BICRA: variants seen among roughly 807,000 people sequenced by gnomAD.
BICRA encodes the protein BRD4-interacting chromatin-remodeling complex-associated protein.
BICRA carries 31 observed loss-of-function variants against 96.9 expected under a neutral mutation model. The ratio of observed to expected loss-of-function variants is 0.32; its 90% CI spans 0.24 to 0.43. BICRA has a LOEUF of 0.43. BICRA is among the 20% of genes least tolerant of loss of function. BICRA has a pLI of 1.00. For synonymous variants in BICRA, 1,350 were observed against 1,071.8 expected, an observed-to-expected ratio of 1.26 and a Z score of -5.07; for missense variants, 2,283 against 2,190.3, an observed-to-expected ratio of 1.04 and a Z score of -0.84.
chr19:47,640,149 C>G (rs1011787284), intron 1 of BICRA, among the ~76,000 whole-genome samples: 1 of 152,140 alleles, frequency 6.6e-6, no homozygotes, highest in Admixed American at 6.6e-5. Flanking sequence ...ACATTTATCC[C>G]TTTGTTAACT....
chr19:47,688,069 G>A (rs577695847), intron 7 of BICRA, among the ~76,000 whole-genome samples: 12 of 152,012 alleles, frequency 7.9e-5, no homozygotes, highest in Middle Eastern at 3.4e-3. Flanking sequence ...CACCCCCTGT[G>A]CTTTTCTCTA....
intron 1 of BICRA, chr19:47,663,259 G>T (rs146613582): frequency 6.6e-6 from 1 of 152,216 alleles, no homozygotes; most frequent in Non-Finnish European, 1.5e-5. Context: ...GTGGTGGCAC[G>T]TGCCTCTAAT....
At chr19:47,631,565 A>G (rs939058642) in intron 1 of BICRA, among the ~76,000 whole-genome samples, 21 of 152,030 alleles carry the variant, frequency 1.4e-4, no homozygotes, top group African/African-American at 4.3e-4. Flanking sequence ...GGAACTCACT[A>G]TGTTGCCCAG....
rs1400400800 is a variant in BICRA at position 47,699,069 on chromosome 19, G to C, written c.3492+10G>C. 6.5e-7 allele frequency: 1 copy of C among 1,532,204 alleles called. No individual in the cohort carries two copies. 94.9% of individuals were successfully genotyped at this position (1,532,204 alleles called of 1,614,324 possible). On this transcript the variant is annotated intron_variant, in intron 13 of 14. Transcript: ENST00000594866. This position sits in a 1 kb window ranked among gnomAD's most constrained non-coding sequence, Gnocchi z 5.0. ...CCTGGAGGAGTCCCGGGTAGGGTCA[G>C]AGTCGCCTTCCTCGCCTCTGGGCTC... is the stretch of plus-strand genomic sequence containing the variant.
intron 1 of BICRA, among the ~76,000 whole-genome samples, chr19:47,624,684 C>G (rs530922042): frequency 1.3e-5 from 2 of 150,984 alleles, no homozygotes; most frequent in South Asian, 2.1e-4. Flanking sequence ...CTCCCACTGC[C>G]ACGCCCTGAC....
intron 7 of BICRA, among the ~76,000 whole-genome samples, chr19:47,685,938 TAAG>T (rs1312842326): frequency 5.3e-5 from 8 of 151,538 alleles, no homozygotes; most frequent in South Asian, 2.1e-4. Flanking sequence ...CCACCCGGGA[TAAG>T]AATTTGTTTT....
chr19:47,669,117 T>G (rs929168884), intron 1 of BICRA, among the ~76,000 whole-genome samples: 1 of 150,696 alleles, frequency 6.6e-6, no homozygotes, highest in Non-Finnish European at 1.5e-5. Flanking sequence ...AAAAAATAAA[T>G]AAAATAAAAT....
intron 1 of BICRA, among the ~76,000 whole-genome samples, chr19:47,620,910 C>G (rs1159732727): frequency 6.6e-6 from 1 of 152,120 alleles, no homozygotes; most frequent in African/African-American, 2.4e-5. Flanking sequence ...GCAGGCCTGT[C>G]ATCCAGTCAA....
At chr19:47,664,202 T>C (rs969416825) in intron 1 of BICRA, among the ~76,000 whole-genome samples, 6 of 152,244 alleles carry the variant, frequency 3.9e-5, no homozygotes, top group African/African-American at 1.4e-4. Context: ...CCAATTTATA[T>C]TGGGAAATTA....
At chr19:47,661,087 G>A (rs1160915619) in intron 1 of BICRA, among the ~76,000 whole-genome samples, 5 of 151,870 alleles carry the variant, frequency 3.3e-5, no homozygotes, top group South Asian at 2.1e-4. Context: ...TGGTTGTGGC[G>A]CCTGTAGTGC....
At position 47,675,797 on chromosome 19, in the gene BICRA, G is replaced by A; in HGVS notation, c.85-54G>A. 7.0e-7 allele frequency: 1 copy of A among 1,423,680 alleles called. No individual in the cohort carries two copies. 88.2% of individuals were successfully genotyped at this position (1,423,680 alleles called of 1,614,324 possible). A position where few individuals can be genotyped will look rare whatever the true frequency, so the allele number is the denominator to read the frequency against. On this transcript the variant is annotated intron_variant, in intron 4 of 14. Coordinates refer to ENST00000594866, the MANE Select transcript of BICRA (RefSeq NM_001394372.1). The surrounding 1 kb of genome is among the most constrained non-coding windows in gnomAD (Gnocchi z 4.7). ...ACCCTAAATTGGTTTCTGCTCCAGA[G>A]CATGGGCCTGCCCTGCTGACTTTTG...
intron 1 of BICRA, among the ~76,000 whole-genome samples, chr19:47,660,877 C>T (rs1181288746): frequency 1.3e-5 from 2 of 152,156 alleles, no homozygotes; most frequent in Non-Finnish European, 2.9e-5. Context: ...AGGATAATGG[C>T]ATCTGCCTTA....
chr19:47,650,315 T>C (rs1329259383), intron 1 of BICRA, among the ~76,000 whole-genome samples: 1 of 152,162 alleles, frequency 6.6e-6, no homozygotes, highest in Non-Finnish European at 1.5e-5. Context: ...GTATTTTTCA[T>C]AGAGACAGGG....
chr19:47,683,623 T>C (rs1012816970), intron 7 of BICRA, among the ~76,000 whole-genome samples: 5 of 151,962 alleles, frequency 3.3e-5, no homozygotes, highest in African/African-American at 4.8e-5. Context: ...CTCGCTCTGT[T>C]GCCCAGGCTG....
chr19:47,620,568 T>G (rs1599783706), intron 1 of BICRA, among the ~76,000 whole-genome samples: 2 of 146,024 alleles, frequency 1.4e-5, no homozygotes, highest in East Asian at 4.0e-4. Context: ...CTTGGGAAGC[T>G]GAGAGGTGGG....
chr19:47,695,344 C>CCCA (rs1568577669), intron 9 of BICRA, 21 bp from the exon 10 acceptor site: 3 of 513,692 alleles, frequency 5.8e-6, no homozygotes, highest in Non-Finnish European at 1.1e-5. Context: ...GCCCTGTCTC[C>CCCA]CCCACCCCAC....
At chr19:47,690,841 A>T (rs958871754) in intron 7 of BICRA, among the ~76,000 whole-genome samples, 4 of 151,842 alleles carry the variant, frequency 2.6e-5, no homozygotes, top group Non-Finnish European at 4.4e-5. Context: ...ATGAAATTAA[A>T]TTTTTTTAAT....
chr19:47,615,124 C>A (rs1021786168), intron 1 of BICRA, among the ~76,000 whole-genome samples: 1 of 152,180 alleles, frequency 6.6e-6, no homozygotes, highest in Non-Finnish European at 1.5e-5. Flanking sequence ...GCTGGGACTA[C>A]AGGTGCACGC....
In BICRA at chr19:47,695,361, C is replaced by T; in HGVS notation, c.3077-4C>T. 1 of 1,156,764 alleles carries T rather than the reference C, an allele frequency of 8.6e-7. No individual in the cohort carries two copies. The highest frequency in any genetic ancestry group is 1.4e-5 in the South Asian group (1 of 73,162). The allele number at this position is 1,156,764 out of a possible 1,614,324, so 71.7% of individuals were successfully genotyped here. On this transcript the variant is annotated splice_polypyrimidine_tract_variant and splice_region_variant and intron_variant, in intron 9 of 14. Transcript: ENST00000594866. ...CCTGTCTCCCCCACCCCACCCACCC[C>T]CAGGCCTCCCTCCTCTGCTTCCAGC...
Sources: gnomAD v4.1 joint callset for allele counts (sites outside exome capture counted in the v4.1 genomes callset) on GRCh38, gnomAD v4.1.1 for gene constraint, Gnocchi (gnomAD v3.1) non-coding constraint, MANE v1.5 for transcripts, NCBI Gene and HGNC (gene_info 2026-07-23, HGNC 2026-07-21) for gene names.